UBL4A: variants seen among roughly 807,000 people sequenced by gnomAD.
The protein encoded by UBL4A is ubiquitin-like protein 4A.
In UBL4A, 4 loss-of-function variants were observed where a neutral mutation model predicts 11.4. The ratio of observed to expected loss-of-function variants is 0.35; its 90% CI spans 0.17 to 0.81. The LOEUF is 0.81. Ranked by LOEUF, UBL4A falls within the 30% of genes least tolerant of loss-of-function variation. The pLI is 0.52. For synonymous variants in UBL4A, 72 were observed against 61.2 expected, an observed-to-expected ratio of 1.18 and a Z score of -0.83; for missense variants, 112 against 124.9, an observed-to-expected ratio of 0.90 and a Z score of 0.49.
Position 154,486,558 on chromosome X carries a change from C to T in UBL4A, c.27G>A (p.Gln9=). The T allele has an allele frequency of 1.0e-6, 1 of 1,000,706 alleles. No individual in the cohort carries two copies. Among genetic ancestry groups the T allele is most frequent in the Non-Finnish European group, 1.3e-6 (1 of 788,934 alleles). 82.5% of individuals were successfully genotyped at this position (1,000,706 alleles called of 1,213,427 possible). A position where few individuals can be genotyped will look rare whatever the true frequency, so the allele number is the denominator to read the frequency against. Residue 9 remains glutamine (Q), a synonymous_variant, in exon 1 of 4, where the codon CAG becomes CAA. Transcript: ENST00000369660. ...CTACCTGCAGGCTGCACTCGCGGCC[C>T]TGCAGCGCCTTCACCGTCAGCTGCA... The part of the protein sequence containing the change: MQLTVKAL[Q]GRECSLQVPE...
chrX:154,485,689 G>A, intron 3 of UBL4A, 40 bp from the exon 4 acceptor site: 5 of 1,161,015 alleles, frequency 4.3e-6, no homozygotes, highest in Non-Finnish European at 5.9e-6. Context: ...GGCTGCCAGT[G>A]GTGGGGGGGC....
At position 154,485,621 on chromosome X, in the gene UBL4A, G is replaced by A. The variant is rs781978076; in HGVS notation, c.392C>T (p.Thr131Met). ...GGCCAACCGTTCGATGTCGTCCAGC[G>A]TCAGGCGACTCAGGGACCTCTCGTA... Reference protein sequence around the residue: ...RDYERSLSRLTLDDIERLASR... With the variant: ...RDYERSLSRLMLDDIERLASR... Residue 131 changes from threonine (T) to methionine (M), a missense_variant, in exon 4 of 4, where the codon ACG (threonine) becomes ATG (methionine). Thr to Met is a moderately conservative substitution (Grantham distance 81). Transcript: ENST00000369660. 1.7e-6 allele frequency: 2 copies of A among 1,210,451 alleles called. No homozygotes were observed. Among genetic ancestry groups the A allele is most frequent in the South Asian group, 1.8e-5 (1 of 56,942 alleles).
intron 2 of UBL4A, 94 bp downstream of exon 2, chrX:154,486,134 G>A (rs1467723310): frequency 6.7e-6 from 7 of 1,043,371 alleles, no homozygotes; most frequent in Admixed American, 6.0e-5. Context: ...CTTGGCGCCC[G>A]CACCCCGACC....
chrX:154,486,359 A>G, intron 1 of UBL4A, 26 bp from the exon 2 acceptor site: 1 of 1,115,214 alleles, frequency 9.0e-7, no homozygotes, highest in South Asian at 2.1e-5. Flanking sequence ...GTGGGAGGCA[A>G]GGGTTGAGCC....
intron 2 of UBL4A, 112 bp downstream of exon 2, chrX:154,486,116 A>T: frequency 9.7e-7 from 1 of 1,028,942 alleles, no homozygotes; most frequent in Non-Finnish European, 1.3e-6. Flanking sequence ...CCTTGGGGTC[A>T]TGTGGCGCTT....
chrX:154,486,110 G>A (rs782646217), intron 2 of UBL4A, 118 bp downstream of exon 2: 36 of 1,017,232 alleles, frequency 3.5e-5, no homozygotes, highest in Non-Finnish European at 4.7e-5. Context: ...CGCCTCCCTT[G>A]GGGTCATGTG....
At chrX:154,486,136 A>ACCCCGACCCGACACACGGCTGCTGG in intron 2 of UBL4A, 92 bp downstream of exon 2, 10 of 1,051,570 alleles carry the variant, frequency 9.5e-6, no homozygotes, top group Non-Finnish European at 1.3e-5. Context: ...TGGCGCCCGC[A>ACCCCGACCCGACACACGGCTGCTGG]CCCCGACCCG....
At chrX:154,486,055 C>A in intron 2 of UBL4A, 76 bp from the exon 3 acceptor site, 1 of 1,137,950 alleles carries the variant, frequency 8.8e-7, no homozygotes, top group Non-Finnish European at 1.2e-6. Flanking sequence ...CCGCCTCGGG[C>A]GGCGGGAGCG....
In UBL4A at chrX:154,485,299, G is replaced by A. The variant is rs1354274793; in HGVS notation, c.*240C>T. The A allele has an allele frequency of 2.0e-6, 1 of 501,045 alleles. No homozygotes were observed. Among genetic ancestry groups the A allele is most frequent in the Non-Finnish European group, 3.6e-6 (1 of 276,237 alleles). 41.3% of individuals were successfully genotyped at this position (501,045 alleles called of 1,213,427 possible). On this transcript the variant is annotated 3_prime_UTR_variant, in exon 4 of 4. Coordinates refer to ENST00000369660, the MANE Select transcript of UBL4A (RefSeq NM_014235.5). Reference sequence around the variant, plus strand: ...TTCTCACACCAAGGCACTTTCAGAAGCCGCTGGATTCCGACTGGGGCTGTG... The same window carrying A: ...TTCTCACACCAAGGCACTTTCAGAAACCGCTGGATTCCGACTGGGGCTGTG...
At chrX:154,486,368 C>T in intron 1 of UBL4A, 35 bp from the exon 2 acceptor site, 1 of 1,094,797 alleles carries the variant, frequency 9.1e-7, no homozygotes, top group East Asian at 3.9e-5. Flanking sequence ...AAGGGTTGAG[C>T]CCGCGGCCCC....
In UBL4A at chrX:154,484,934, G is replaced by A. The variant is rs2069285051; in HGVS notation, c.*605C>T. The A allele has an allele frequency of 6.1e-6, 1 of 163,164 alleles. No homozygotes were observed. Among genetic ancestry groups the A allele is most frequent in the East Asian group, 1.8e-4 (1 of 5,481 alleles). The allele number at this position is 163,164 out of a possible 1,213,427, so 13.4% of individuals were successfully genotyped here. On this transcript the variant is annotated 3_prime_UTR_variant, in exon 4 of 4. Transcript: ENST00000369660. ...CTCAGGTCGGTGAGTGGCCCTCACT[G>A]TATAGAGTCCATGGCTGGGGACCAA...
rs1300931304 is a variant in UBL4A at position 154,486,163 on chromosome X, C to T, written c.154+65G>A. The T allele has an allele frequency of 4.5e-6, 5 of 1,100,464 alleles. No homozygotes were observed. In the African/African-American group the frequency reaches 9.6e-5, roughly 21 times the overall value. The allele number at this position is 1,100,464 out of a possible 1,213,427, so 90.7% of individuals were successfully genotyped here. ...CCCGACCCGACACACGGCTGCTGGC[C>T]TCGGCCCGCGCACCCCGGTCCCGCT... On this transcript the variant is annotated intron_variant, in intron 2 of 3. Coordinates refer to ENST00000369660, the MANE Select transcript of UBL4A (RefSeq NM_014235.5).
intron 1 of UBL4A, 97 bp downstream of exon 1, chrX:154,486,440 C>T (rs1209984532): frequency 1.2e-5 from 12 of 973,394 alleles, no homozygotes; most frequent in Non-Finnish European, 1.3e-5. Flanking sequence ...GGCCCTCGGC[C>T]CGGCCGCCCC....
In UBL4A at chrX:154,485,221, GT is replaced by G. The variant is rs1311115329; in HGVS notation, c.*317del. On this transcript the variant is annotated 3_prime_UTR_variant, in exon 4 of 4. Transcript: ENST00000369660. ...GGAGTCACCTGAGGGTATATTCTCA[GT>G]GGGCTAAACATGACATGCGAGAGCC... 5 of 455,509 alleles carry G rather than the reference GT, an allele frequency of 1.1e-5. No homozygotes were observed. The highest frequency in any genetic ancestry group is 2.0e-5 in the Non-Finnish European group (5 of 255,248). 37.5% of individuals were successfully genotyped at this position (455,509 alleles called of 1,213,427 possible).
At chrX:154,486,112 G>A in intron 2 of UBL4A, 116 bp downstream of exon 2, 1 of 1,027,016 alleles carries the variant, frequency 9.7e-7, no homozygotes, top group Non-Finnish European at 1.3e-6. Flanking sequence ...CCTCCCTTGG[G>A]GTCATGTGGC....
At chrX:154,486,207 G>T in intron 2 of UBL4A, 21 bp downstream of exon 2, 2 of 1,143,182 alleles carry the variant, frequency 1.7e-6, no homozygotes, top group Non-Finnish European at 2.3e-6. Context: ...GGCTCCCCGG[G>T]CGTCTCCTCT....
Position 154,485,650 on chromosome X carries a change from C to T in UBL4A, c.364-1G>A. ...GGCGACTCAGGGACCTCTCGTAATC[C>T]TGGGGAGAGAAGGGCAGGAAGATTC... On this transcript the variant is annotated splice_acceptor_variant, in intron 3 of 3. Transcript: ENST00000369660. LOFTEE classifies it high-confidence loss of function. The T allele has an allele frequency of 8.3e-7, 1 of 1,206,646 alleles. No homozygotes were observed. Among genetic ancestry groups the T allele is most frequent in the Non-Finnish European group, 1.1e-6 (1 of 892,698 alleles).
In UBL4A at chrX:154,485,887, C is replaced by T. The variant is rs782359606; in HGVS notation, c.247G>A (p.Glu83Lys). Residue 83 changes from glutamate to lysine, a missense_variant, in exon 3 of 4, where the codon GAG (glutamate) becomes AAG (lysine). Physicochemically the swap from Glu to Lys is moderately conservative, Grantham distance 56. Coordinates refer to ENST00000369660, the MANE Select transcript of UBL4A (RefSeq NM_014235.5). ...GGGGAGTCGGCCAGCCTCTGGGCCT[C>T]GCCTTCTTCTAGTAGCACCTTCTCC... Reference protein sequence around the residue: ...PLEKVLLEEGEAQRLADSPPP... With the variant: ...PLEKVLLEEGKAQRLADSPPP... 4 of 1,211,348 alleles carry T rather than the reference C, an allele frequency of 3.3e-6. No individual in the cohort carries two copies. Among genetic ancestry groups the T allele is most frequent in the East Asian group, 5.9e-5 (2 of 33,863 alleles).
At chrX:154,486,482 C>T in intron 1 of UBL4A, 55 bp downstream of exon 1, 1 of 1,021,412 alleles carries the variant, frequency 9.8e-7, no homozygotes, top group Non-Finnish European at 1.2e-6. Flanking sequence ...GGTCCCCCTG[C>T]CAGGAGCGGG....
Sources: allele counts gnomAD v4.1 joint callset, GRCh38; gene constraint gnomAD v4.1.1; transcripts MANE v1.5; gene names NCBI Gene and HGNC (gene_info 2026-07-23, HGNC 2026-07-21).